The following NAV3 variants were observed in gnomAD, a reference collection of about 807,000 sequenced individuals.
NAV3 encodes the protein neuron navigator 3, also known as pore membrane and/or filament interacting like protein 1.
NAV3 carries 87 observed loss-of-function variants against 244.7 expected under a neutral mutation model. The observed-to-expected ratio is 0.36, with a 90% CI of 0.30 to 0.42. The LOEUF (loss-of-function observed/expected upper bound fraction) is 0.42. NAV3 is among the 20% of genes least tolerant of loss of function. NAV3 has a pLI of 1.00. For synonymous variants in NAV3, 1,126 were observed against 1,042.2 expected, an observed-to-expected ratio of 1.08 and a Z score of -1.55; for missense variants, 2,663 against 2,893.3, an observed-to-expected ratio of 0.92 and a Z score of 1.83.
intron 2 of NAV3, among the ~76,000 whole-genome samples, chr12:77,740,683 C>T (rs11106492): frequency 1.3e-5 from 2 of 152,188 alleles, no homozygotes; most frequent in East Asian, 3.9e-4. Context: ...AGTATTGAAA[C>T]TTGGAGCCAC....
chr12:77,605,460 T>C (rs1477205902), intron 2 of NAV3, among the ~76,000 whole-genome samples: 1 of 152,174 alleles, frequency 6.6e-6, no homozygotes, highest in Non-Finnish European at 1.5e-5. Context: ...CATTTAGTTG[T>C]ATTTGTTCAA....
chr12:78,128,476 T>C (rs1445614237), intron 17 of NAV3, among the ~76,000 whole-genome samples: 2 of 152,178 alleles, frequency 1.3e-5, no homozygotes, highest in African/African-American at 4.8e-5. Flanking sequence ...CAACTGCATA[T>C]CTGATAGAAG....
At chr12:77,907,827 C>T (rs1311627480) in intron 1 of NAV3, among the ~76,000 whole-genome samples, 1 of 152,038 alleles carries the variant, frequency 6.6e-6, no homozygotes, top group Non-Finnish European at 1.5e-5. Context: ...GATACTGAGC[C>T]GGTGAACAGG....
upstream of NAV3, among the ~76,000 whole-genome samples, chr12:77,827,516 A>T (rs1043133672): frequency 4.6e-5 from 7 of 152,172 alleles, no homozygotes; most frequent in African/African-American, 1.7e-4. Flanking sequence ...GGTATTTCAA[A>T]GGTCATTGCC....
At chr12:78,100,204 G>T (rs192842121) in intron 12 of NAV3, among the ~76,000 whole-genome samples, 11 of 151,928 alleles carry the variant, frequency 7.2e-5, no homozygotes, top group Non-Finnish European at 1.2e-4. Flanking sequence ...GAATTTCTAG[G>T]TTATCAAGAA....
At chr12:78,046,968 C>A (rs1467562442) in intron 9 of NAV3, among the ~76,000 whole-genome samples, 2 of 152,136 alleles carry the variant, frequency 1.3e-5, no homozygotes, top group African/African-American at 4.8e-5. Context: ...TTGCATTGAT[C>A]CCCTTACCAT....
intron 2 of NAV3, among the ~76,000 whole-genome samples, chr12:77,581,285 T>A (rs1003798174): frequency 1.3e-5 from 2 of 152,228 alleles, no homozygotes; most frequent in Non-Finnish European, 2.9e-5. Context: ...AATACTTTTA[T>A]TGTGCTCTGA....
chr12:78,200,646 A>G, intron 38 of NAV3, 55 bp downstream of exon 38: 2 of 1,113,722 alleles, frequency 1.8e-6, no homozygotes, highest in Non-Finnish European at 2.5e-6. Context: ...AGCAAAAAAA[A>G]TTACTTTAAA....
Position 77,644,213 on chromosome 12 carries a change from G to A in NAV3, c.72+71947G>A, listed in dbSNP as rs182439210. Among the ~76,000 whole-genome samples, 665 of 152,146 alleles carry A rather than the reference G, an allele frequency of 4.4e-3. 4 individuals are homozygous for A. Among genetic ancestry groups the A allele is most frequent in the Middle Eastern group, 0.027 (8 of 294 alleles). Reference sequence around the variant, plus strand: ...GAACAGAGGTCCCCCCAAAAAAGAGGAAAGTCTGTGGAACCTTTTCTGTTT... The same window carrying A: ...GAACAGAGGTCCCCCCAAAAAAGAGAAAAGTCTGTGGAACCTTTTCTGTTT... On this transcript the variant is annotated intron_variant, in intron 2 of 8. Coordinates refer to the NAV3 transcript ENST00000550042.
At chr12:77,783,622 C>T (rs1331179090) in intron 2 of NAV3, 1 of 152,106 alleles carries the variant, frequency 6.6e-6, no homozygotes, top group Non-Finnish European at 1.5e-5. Context: ...ATGGGGCAGG[C>T]TTCATGGAGA....
chr12:77,879,903 C>T lies in NAV3; in HGVS notation c.243+48199C>T, dbSNP rs747957345. Among the ~76,000 whole-genome samples, 2 of 152,046 alleles carry T rather than the reference C, an allele frequency of 1.3e-5. 1 individual carries two copies. The highest frequency in any genetic ancestry group is 2.9e-5 in the Non-Finnish European group (2 of 68,006). Reference sequence around the variant, plus strand: ...GTGATAATGAAGTCCTAGAGATGTGCGTTCAAATGCTTGTGCTTCCAGGAC... The same window carrying T: ...GTGATAATGAAGTCCTAGAGATGTGTGTTCAAATGCTTGTGCTTCCAGGAC... On this transcript the variant is annotated intron_variant, in intron 1 of 39. Coordinates refer to ENST00000397909, the MANE Select transcript of NAV3 (RefSeq NM_001024383.2).
chr12:78,129,687 T>C (rs2138872001), intron 18 of NAV3, among the ~76,000 whole-genome samples: 1 of 152,290 alleles, frequency 6.6e-6, no homozygotes, highest in Admixed American at 6.5e-5. Context: ...ATTTTTATGG[T>C]AAATATTTTT....
chr12:78,137,280 C>G lies in NAV3; in HGVS notation c.4545C>G (p.Ser1515=). 1 of 1,613,760 alleles carries G rather than the reference C, an allele frequency of 6.2e-7. No individual in the cohort carries two copies. The highest frequency in any genetic ancestry group is 8.5e-7 in the Non-Finnish European group (1 of 1,179,796). ...QDSSFDLYDD[S]QLCGSATSLE... The stretch of plus-strand genomic sequence containing the variant: ...CTTCCTTCGATCTCTATGATGACTC[C>G]CAGCTTTGTGGGAGTGCCACTTCTC... Residue 1515 remains serine, a synonymous_variant, in exon 19 of 40, where the codon TCC becomes TCG. Coordinates refer to ENST00000397909, the MANE Select transcript of NAV3 (RefSeq NM_001024383.2).
At chr12:78,047,256 G>C (rs142775264) in intron 9 of NAV3, among the ~76,000 whole-genome samples, 1,764 of 152,218 alleles carry the variant, frequency 0.012, 16 homozygotes, top group South Asian at 0.026. Flanking sequence ...GAGAGGCCGA[G>C]GCAGGCGGAT....
rs2139649146 is a variant in NAV3 at position 78,175,360 on chromosome 12, C to G, written c.5036C>G (p.Ala1679Gly). The G allele has an allele frequency of 1.9e-6, 3 of 1,611,618 alleles. No homozygotes were observed. The highest frequency in any genetic ancestry group is 2.5e-6 in the Non-Finnish European group (3 of 1,178,432). ...GAAAGTGTTTCTAGTATCAACAGTG[C>G]CACAAGCCATTCCAGTATTGGCAGT... The part of the protein sequence containing the change: ...SSESVSSINS[A>G]TSHSSIGSGN... Residue 1679 changes from alanine (A) to glycine (G), a missense_variant, in exon 25 of 40, where the codon GCC (alanine) becomes GGC (glycine). Ala to Gly is a moderately conservative substitution (Grantham distance 60). Coordinates refer to ENST00000397909, the MANE Select transcript of NAV3 (RefSeq NM_001024383.2).
chr12:77,892,201 G>T (rs556256569), intron 1 of NAV3, among the ~76,000 whole-genome samples: 1 of 152,292 alleles, frequency 6.6e-6, no homozygotes, highest in South Asian at 2.1e-4. Flanking sequence ...ATCAAAGATT[G>T]ACTTATGTTT....
chr12:77,964,310 A>G (rs1435487094), intron 3 of NAV3, among the ~76,000 whole-genome samples: 4 of 152,154 alleles, frequency 2.6e-5, no homozygotes, highest in African/African-American at 9.7e-5. Context: ...TATCCTATTA[A>G]CATTTTGTAG....
rs112435376 is a variant in NAV3, at chr12:77,861,275, A to G, written c.243+29571A>G. On this transcript the variant is annotated intron_variant, in intron 1 of 39. Transcript: ENST00000397909. Reference sequence around the variant, plus strand: ...TACAGATGATTATATGCACCCATCTACATGACCCTCTCTTGCTTAGCCAAA... The same window carrying G: ...TACAGATGATTATATGCACCCATCTGCATGACCCTCTCTTGCTTAGCCAAA... Among the ~76,000 whole-genome samples the G allele has an allele frequency of 4.0e-3, 609 of 151,910 alleles. 3 individuals carry two copies. Among genetic ancestry groups the G allele is most frequent in the African/African-American group, 0.014 (586 of 41,522 alleles).
intron 2 of NAV3, among the ~76,000 whole-genome samples, chr12:77,786,324 T>C (rs1397759628): frequency 6.6e-6 from 1 of 152,208 alleles, no homozygotes; most frequent in Non-Finnish European, 1.5e-5. Flanking sequence ...TTTGAATTGT[T>C]CATCATACAC....
Sources: allele counts gnomAD v4.1 joint callset (sites outside exome capture counted in the v4.1 genomes callset), GRCh38; gene constraint gnomAD v4.1.1; transcripts MANE v1.5; gene names NCBI Gene and HGNC (gene_info 2026-07-23, HGNC 2026-07-21).